XDH: variants seen among roughly 807,000 people sequenced by gnomAD.
The protein encoded by XDH is xanthine dehydrogenase.
In XDH, 138 loss-of-function variants were observed where a neutral mutation model predicts 156.1. The observed-to-expected ratio is 0.88, with a 90% confidence interval of 0.77 to 1.02. XDH has a LOEUF of 1.02. XDH is among the 50% of genes least tolerant of loss of function. The pLI, the probability that XDH is intolerant of heterozygous loss-of-function variation, is 0.00. For missense variants in XDH, 1,849 were observed against 1,684.9 expected, an observed-to-expected ratio of 1.10 and a Z score of -1.71; for synonymous variants, 669 against 625.7, an observed-to-expected ratio of 1.07 and a Z score of -1.03.
chr2:31,380,112 A>G (rs1372395515), intron 12 of XDH, 136 bp from the exon 13 acceptor site: 5 of 816,042 alleles, frequency 6.1e-6, no homozygotes, highest in African/African-American at 1.7e-5. Flanking sequence ...GACTGGCACA[A>G]TTGGGGCCAA....
At chr2:31,353,781 C>T (rs1382193921) in intron 24 of XDH, among the ~76,000 whole-genome samples, 1 of 152,150 alleles carries the variant, frequency 6.6e-6, no homozygotes, top group African/African-American at 2.4e-5. Flanking sequence ...AGTCTCATTC[C>T]TACTCACACC....
chr2:31,345,681 G>A (rs1441809581), intron 30 of XDH, among the ~76,000 whole-genome samples: 1 of 152,054 alleles, frequency 6.6e-6, no homozygotes, highest in Non-Finnish European at 1.5e-5. Context: ...ATGTGCGTGT[G>A]CATGTGTGTG....
chr2:31,348,313 G>A lies in XDH; in HGVS notation c.3102C>T (p.His1034=), dbSNP rs778195209. 1.9e-5 allele frequency: 31 copies of A among 1,614,060 alleles called. No homozygotes were observed. Among genetic ancestry groups the A allele is most frequent in the Middle Eastern group, 1.6e-4 (1 of 6,084 alleles). Residue 1034 remains histidine, a synonymous_variant, in exon 28 of 36, where the codon CAC becomes CAT. Transcript: ENST00000379416. The stretch of plus-strand genomic sequence containing the variant: ...GGCCTTGGCCCATCTCAGTCCCCCC[G>A]TGGGTCAGCAGCACAGAGCCATCTG... ...VYTDGSVLLT[H]GGTEMGQGLH...
In XDH at chr2:31,366,904, A is replaced by T; in HGVS notation, c.2288T>A (p.Leu763His). Residue 763 changes from leucine (L) to histidine (H), a missense_variant, in exon 21 of 36, where the codon CTC becomes CAC. Transcript: ENST00000379416. ...CATGGTGTTCTGTGTAGACACAAAG[A>T]GCTCCATCTCCCCTGCCTCGCCTTT... ...VPKGEAGEME[L>H]FVSTQNTMKT... 1 of 1,614,186 alleles carries T rather than the reference A, an allele frequency of 6.2e-7. No homozygotes were observed. Among genetic ancestry groups the T allele is most frequent in the Non-Finnish European group, 8.5e-7 (1 of 1,180,038 alleles).
rs1491225478 is a variant in XDH, at chr2:31,375,021, TTC to T, written c.1602+357_1602+358del. Among the ~76,000 whole-genome samples the T allele has an allele frequency of 1.0e-2, 914 of 91,534 alleles. 10 individuals carry two copies. The highest frequency in any genetic ancestry group is 0.026 in the African/African-American group (540 of 20,454). The allele number at this position is 91,534 out of a possible 152,430, so 60.0% of individuals were successfully genotyped here. A position where few individuals can be genotyped will look rare whatever the true frequency, so the allele number is the denominator to read the frequency against. ...TTTCTTTCTTTCTTTCTTTCTTTCTTTCTTTTTTTTTTTTTTTTTTTGAGACA... is the reference window on the plus strand; with the variant it reads ...TTTCTTTCTTTCTTTCTTTCTTTCTTTTTTTTTTTTTTTTTTTTTGAGACA... On this transcript the variant is annotated intron_variant, in intron 15 of 35. Coordinates refer to ENST00000379416, the MANE Select transcript of XDH (RefSeq NM_000379.4).
intron 15 of XDH, among the ~76,000 whole-genome samples, chr2:31,374,875 G>T (rs1686184087): frequency 6.6e-6 from 1 of 152,026 alleles, no homozygotes; most frequent in Non-Finnish European, 1.5e-5. Context: ...ACCTCAGCCT[G>T]CACTCTCTCT....
At chr2:31,398,730 G>T (rs767167055) in intron 4 of XDH, 31 bp from the exon 5 acceptor site, 1 of 1,612,626 alleles carries the variant, frequency 6.2e-7, no homozygotes, top group East Asian at 2.2e-5. Flanking sequence ...AGACACCTGG[G>T]ATGGCAGAAC....
rs111936145 is a variant in XDH, at chr2:31,378,183, C to A, written c.1243-946G>T. ...GGAAGGAAGGAAGGAAGGAAGCAAG[C>A]AAGCAAGCAAAGCAAGAAAGCAAGC... is the stretch of plus-strand genomic sequence containing the variant. On this transcript the variant is annotated intron_variant, in intron 13 of 35. Coordinates refer to ENST00000379416, the MANE Select transcript of XDH (RefSeq NM_000379.4). Among the ~76,000 whole-genome samples the A allele has an allele frequency of 2.1e-4, 17 of 79,116 alleles. No individual in the cohort carries two copies. In the South Asian group the frequency reaches 5.8e-3, roughly 27 times the overall value. The allele number at this position is 79,116 out of a possible 152,430, so 51.9% of individuals were successfully genotyped here.
At position 31,408,246 on chromosome 2, in the gene XDH, T is replaced by C. The variant is rs377565859; in HGVS notation, c.43-2282A>G. ...GTGCCTTTGACTATGCCATTCCTCT[T>C]CCACCTGCATTTTGACTTATCAGAA... On this transcript the variant is annotated intron_variant, in intron 1 of 35. Coordinates refer to ENST00000379416, the MANE Select transcript of XDH (RefSeq NM_000379.4). Among the ~76,000 whole-genome samples, 26 of 152,304 alleles carry C rather than the reference T, an allele frequency of 1.7e-4. No homozygotes were observed. In the South Asian group the frequency reaches 5.2e-3, roughly 30 times the overall value.
intron 33 of XDH, 67 bp downstream of exon 33, chr2:31,341,262 C>T (rs1685115917): frequency 2.1e-6 from 3 of 1,454,630 alleles, no homozygotes; most frequent in South Asian, 2.4e-5. Flanking sequence ...TGGCAGGTGG[C>T]CCCAGGAGGG....
At position 31,373,895 on chromosome 2, in the gene XDH, G is replaced by C. The variant is rs1269730219; in HGVS notation, c.1664C>G (p.Pro555Arg). 1.2e-6 allele frequency: 2 copies of C among 1,613,566 alleles called. No homozygotes were observed. The highest frequency in any genetic ancestry group is 1.7e-6 in the Non-Finnish European group (2 of 1,179,668). Residue 555 changes from proline to arginine, a missense_variant, in exon 16 of 36, where the codon CCA becomes CGA. By Grantham distance (103) the Pro-to-Arg change is moderately radical. Coordinates refer to ENST00000379416, the MANE Select transcript of XDH (RefSeq NM_000379.4). ...SATLLFQKDP[P>R]ADVQLFQEVP... ...CACTTGGAAGAGCTGGACATCGGCT[G>C]GGGGGTCTTTCTGAAACAGTAAAGT... is the stretch of plus-strand genomic sequence containing the variant.
chr2:31,347,193 T>C (rs1365063821), intron 29 of XDH, among the ~76,000 whole-genome samples: 1 of 152,186 alleles, frequency 6.6e-6, no homozygotes, highest in Non-Finnish European at 1.5e-5. Context: ...CCAACCTGCC[T>C]CTATAATCAA....
chr2:31,369,857 G>A (rs759018916), intron 18 of XDH, among the ~76,000 whole-genome samples: 27 of 152,252 alleles, frequency 1.8e-4, no homozygotes, highest in Non-Finnish European at 3.5e-4. Flanking sequence ...AATGACTGTC[G>A]AGAACTATCC....
At chr2:31,370,571 C>G (rs1448749296) in intron 17 of XDH, 93 bp from the exon 18 acceptor site, 5 of 1,533,730 alleles carry the variant, frequency 3.3e-6, no homozygotes, top group Admixed American at 1.9e-5. Flanking sequence ...TTTTGATTGG[C>G]TTGGCTCCAT....
intron 20 of XDH, 105 bp from the exon 21 acceptor site, chr2:31,367,099 T>C (rs2148768206): frequency 2.5e-6 from 4 of 1,585,928 alleles, no homozygotes; most frequent in Non-Finnish European, 3.4e-6. Context: ...CAGGAAGCAA[T>C]GGCTACCTGA....
chr2:31,410,003 A>T (rs1687297885), intron 1 of XDH, among the ~76,000 whole-genome samples: 1 of 152,262 alleles, frequency 6.6e-6, no homozygotes, highest in Admixed American at 6.5e-5. Flanking sequence ...CCATCAATAG[A>T]TGAATGGATA....
At position 31,346,856 on chromosome 2, in the gene XDH, C is replaced by T; in HGVS notation, c.3277-13G>A. The T allele has an allele frequency of 1.2e-6, 2 of 1,613,714 alleles. No individual in the cohort carries two copies. The highest frequency in any genetic ancestry group is 1.7e-6 in the Non-Finnish European group (2 of 1,179,958). The stretch of plus-strand genomic sequence containing the variant: ...TCTGACAAGCCGCCTAAAGTAAACA[C>T]CCCCCACACCCCAGACACATCAGTC... On this transcript the variant is annotated splice_polypyrimidine_tract_variant and intron_variant, in intron 29 of 35. Transcript: ENST00000379416.
chr2:31,400,167 T>C (rs2148005344), intron 4 of XDH, among the ~76,000 whole-genome samples: 1 of 151,398 alleles, frequency 6.6e-6, no homozygotes, highest in Admixed American at 6.6e-5. Context: ...TCCAGCTCCA[T>C]CGCCTGAATG....
Position 31,347,544 on chromosome 2 carries a change from T to A in XDH, c.3254A>T (p.Asp1085Val), listed in dbSNP as rs781047226. Residue 1085 changes from aspartate (D) to valine (V), a missense_variant, in exon 29 of 36, where the codon GAC becomes GTC. By Grantham distance (152) the Asp-to-Val change is radical. Coordinates refer to ENST00000379416, the MANE Select transcript of XDH (RefSeq NM_000379.4). ...TACATAGACGGCCTGTCCATTGAGGTCAGCGCTGACAGAGGCAGCCGTGGG... is the reference window on the plus strand; with the variant it reads ...TACATAGACGGCCTGTCCATTGAGGACAGCGCTGACAGAGGCAGCCGTGGG... Reference protein sequence around the residue: ...TSPTAASVSADLNGQAVYAAC... With the variant: ...TSPTAASVSAVLNGQAVYAAC... 6.8e-6 allele frequency: 11 copies of A among 1,613,854 alleles called. No individual in the cohort carries two copies. Among genetic ancestry groups the A allele is most frequent in the Non-Finnish European group, 9.3e-6 (11 of 1,179,996 alleles).
Sources: allele counts gnomAD v4.1 joint callset (sites outside exome capture counted in the v4.1 genomes callset), GRCh38; gene constraint gnomAD v4.1.1; transcripts MANE v1.5; gene names NCBI Gene and HGNC (gene_info 2026-07-23, HGNC 2026-07-21).